The following SLC37A3 variants were observed in gnomAD, a reference collection of about 807,000 sequenced individuals.
SLC37A3 encodes the protein solute carrier family 37 member 3, also known as sugar phosphate exchanger 3.
A neutral mutation model predicts 67.1 loss-of-function variants in SLC37A3; 51 were observed. That is an observed-to-expected ratio of 0.76 (90% confidence interval 0.61 to 0.96). The LOEUF is 0.96. Among genes scored for constraint, SLC37A3 ranks in the 40% least tolerant of loss-of-function variants. The pLI is 0.00. For synonymous variants in SLC37A3, 214 were observed against 231.4 expected (o/e 0.92, Z 0.68); for missense variants, 508 against 603.0 (o/e 0.84, Z 1.65).
chr7:140,361,728 T>C (rs1335750949), intron 5 of SLC37A3, among the ~76,000 whole-genome samples: 1 of 150,080 alleles, frequency 6.7e-6, no homozygotes, highest in Non-Finnish European at 1.5e-5. Context: ...TTCGTTTTTT[T>C]TTTGGTGGAG....
At chr7:140,398,168 G>C (rs1370560494) in intron 1 of SLC37A3, among the ~76,000 whole-genome samples, 1 of 152,180 alleles carries the variant, frequency 6.6e-6, no homozygotes, top group African/African-American at 2.4e-5. Context: ...GGGCCGGGCC[G>C]CAGGGTCCCC....
At chr7:140,371,407 C>T (rs1245278744) in intron 3 of SLC37A3, among the ~76,000 whole-genome samples, 6 of 152,224 alleles carry the variant, frequency 3.9e-5, no homozygotes, top group Admixed American at 2.0e-4. Context: ...CTCCTGACCT[C>T]GTGATCCACC....
chr7:140,362,402 C>G (rs1432173014), intron 5 of SLC37A3, among the ~76,000 whole-genome samples: 1 of 124,320 alleles, frequency 8.0e-6, no homozygotes, highest in African/African-American at 2.9e-5. Flanking sequence ...GGCAGCCGCC[C>G]CGTCCGGGAG....
rs777297853 is a variant in SLC37A3 at position 140,343,496 on chromosome 7, CT to C, written c.1241del (p.Glu414GlyfsTer31). ...AAGCTTCACTGCTCCTTTGGATGAG[CT>C]CCTGGCGACCCAAGTCCGCAGAAAT... ...SAISADLGRQ[E>X]LIQRSSEALA... On this transcript the variant is annotated frameshift_variant, in exon 13 of 15. Coordinates refer to ENST00000326232, the MANE Select transcript of SLC37A3 (RefSeq NM_207113.3). LOFTEE classifies it high-confidence loss of function. 5 of 1,614,064 alleles carry C rather than the reference CT, an allele frequency of 3.1e-6. No individual in the cohort carries two copies. The highest frequency in any genetic ancestry group is 1.7e-5 in the Admixed American group (1 of 59,968).
At chr7:140,397,528 G>C (rs1289894676) in intron 1 of SLC37A3, among the ~76,000 whole-genome samples, 1 of 152,036 alleles carries the variant, frequency 6.6e-6, no homozygotes, top group Non-Finnish European at 1.5e-5. Context: ...AATTAAATGA[G>C]ATAATTTATA....
At chr7:140,378,857 G>A (rs1313202354) in intron 3 of SLC37A3, among the ~76,000 whole-genome samples, 3 of 151,998 alleles carry the variant, frequency 2.0e-5, no homozygotes, top group East Asian at 3.9e-4. Flanking sequence ...GACTAGCTTG[G>A]CCAACATGGC....
In SLC37A3 at chr7:140,335,099, G is replaced by T. The variant is rs1179083977; in HGVS notation, c.*313C>A. ...GTTCAAGTCCAAAACAACAGTTAAG[G>T]TTAAAACGCTAAACCTCAATAGGCC... On this transcript the variant is annotated 3_prime_UTR_variant, in exon 15 of 15. Coordinates refer to ENST00000326232, the MANE Select transcript of SLC37A3 (RefSeq NM_207113.3). 1 of 947,410 alleles carries T rather than the reference G, an allele frequency of 1.1e-6. No individual in the cohort carries two copies. Among genetic ancestry groups the T allele is most frequent in the Non-Finnish European group, 1.5e-6 (1 of 652,638 alleles). The allele number at this position is 947,410 out of a possible 1,614,324, so 58.7% of individuals were successfully genotyped here. A position where few individuals can be genotyped will look rare whatever the true frequency, so the allele number is the denominator to read the frequency against.
At chr7:140,358,315 T>A (rs892912802) in intron 6 of SLC37A3, among the ~76,000 whole-genome samples, 4 of 152,082 alleles carry the variant, frequency 2.6e-5, no homozygotes, top group Non-Finnish European at 5.9e-5. Flanking sequence ...AGATACATGA[T>A]GGATAGTAAA....
chr7:140,367,923 A>C (rs577249063), intron 4 of SLC37A3, among the ~76,000 whole-genome samples: 1 of 150,778 alleles, frequency 6.6e-6, no homozygotes, highest in Non-Finnish European at 1.5e-5. Flanking sequence ...GGGTTCAAGC[A>C]ATTCTTCTGC....
At chr7:140,355,607 G>A (rs1585285553) in intron 7 of SLC37A3, 61 bp downstream of exon 7, 1 of 1,376,682 alleles carries the variant, frequency 7.3e-7, no homozygotes, top group East Asian at 2.3e-5. Context: ...TACATAAAAA[G>A]CAATACACAT....
chr7:140,351,195 G>C (rs1796778869), intron 9 of SLC37A3, 78 bp downstream of exon 9: 7 of 1,407,940 alleles, frequency 5.0e-6, no homozygotes, highest in Non-Finnish European at 6.8e-6. Context: ...AATACTTAAG[G>C]AAGCTTTATC....
chr7:140,377,255 T>A (rs1585345400), intron 3 of SLC37A3, among the ~76,000 whole-genome samples: 1 of 150,614 alleles, frequency 6.6e-6, no homozygotes, highest in Admixed American at 6.7e-5. Flanking sequence ...GTAGAGACGG[T>A]GGTCTCTCTA....
At chr7:140,362,729 G>T (rs1170252068) in intron 5 of SLC37A3, among the ~76,000 whole-genome samples, 4 of 87,380 alleles carry the variant, frequency 4.6e-5, no homozygotes, top group Non-Finnish European at 7.5e-5. Flanking sequence ...AGGGAGGTGG[G>T]GGGTCAGCCC....
chr7:140,335,741 A>G (rs752638742), intron 14 of SLC37A3, among the ~76,000 whole-genome samples: 16 of 152,378 alleles, frequency 1.1e-4, no homozygotes, highest in Non-Finnish European at 1.8e-4. Context: ...AATTTGCCAT[A>G]GGCGGAGCAG....
intron 1 of SLC37A3, among the ~76,000 whole-genome samples, chr7:140,395,250 C>T (rs1022554866): frequency 6.6e-6 from 1 of 151,144 alleles, no homozygotes; most frequent in African/African-American, 2.4e-5. Context: ...GTGGTGGGCA[C>T]CTATAATCCC....
At chr7:140,368,383 T>C (rs1183265925) in intron 4 of SLC37A3, among the ~76,000 whole-genome samples, 1 of 151,948 alleles carries the variant, frequency 6.6e-6, no homozygotes, top group Admixed American at 6.6e-5. Flanking sequence ...CTGACCAACA[T>C]GGAGAAACTC....
intron 4 of SLC37A3, among the ~76,000 whole-genome samples, chr7:140,368,671 C>T (rs920402042): frequency 1.3e-5 from 2 of 152,146 alleles, no homozygotes; most frequent in African/African-American, 2.4e-5. Context: ...ACTCAATGAC[C>T]AAGTGTCTGC....
At chr7:140,358,589 A>C in intron 6 of SLC37A3, 51 bp downstream of exon 6, 1 of 1,607,256 alleles carries the variant, frequency 6.2e-7, no homozygotes, top group Non-Finnish European at 8.5e-7. Context: ...TGAAAAATCC[A>C]CCATGGAAAC....
At chr7:140,373,258 T>C (rs1003083951) in intron 3 of SLC37A3, among the ~76,000 whole-genome samples, 1 of 151,104 alleles carries the variant, frequency 6.6e-6, no homozygotes, top group Non-Finnish European at 1.5e-5. Flanking sequence ...ATCTGGCCAA[T>C]AATTTTTCAT....
Sources: allele counts gnomAD v4.1 joint callset (sites outside exome capture counted in the v4.1 genomes callset), GRCh38; gene constraint gnomAD v4.1.1; transcripts MANE v1.5; gene names NCBI Gene and HGNC (gene_info 2026-07-23, HGNC 2026-07-21).